Variants in BAZ1A observed in about 807,000 individuals in gnomAD.
The protein encoded by BAZ1A is bromodomain adjacent to zinc finger domain protein 1A.
Under a neutral mutation model 185.2 loss-of-function variants are expected in BAZ1A, and 50 were observed. The observed-to-expected ratio is 0.27, with a 90% CI of 0.22 to 0.34. The LOEUF is 0.34. Among genes scored for constraint, BAZ1A ranks in the 10% least tolerant of loss-of-function variants. The probability of loss-of-function intolerance (pLI) is 1.00; values close to 1 mark genes in which losing one functional copy is unlikely to be tolerated. For missense variants in BAZ1A, 1,356 were observed against 1,839.9 expected (o/e 0.74, Z 4.81); for synonymous variants, 571 against 615.6 (o/e 0.93, Z 1.07).
At chr14:34,838,323 A>G (rs1197107733) in intron 3 of BAZ1A, among the ~76,000 whole-genome samples, 1 of 152,218 alleles carries the variant, frequency 6.6e-6, no homozygotes, top group Non-Finnish European at 1.5e-5. Flanking sequence ...CAGAACCTGA[A>G]TAAGGTTTTT....
chr14:34,811,146 AT>A (rs992713754), intron 4 of BAZ1A, 110 bp from the exon 5 acceptor site: 342 of 794,636 alleles, frequency 4.3e-4, no homozygotes, highest in Non-Finnish European at 5.0e-4. Context: ...ATATTTCAAA[AT>A]TTTTTTTTGT....
intron 4 of BAZ1A, among the ~76,000 whole-genome samples, chr14:34,823,081 T>C (rs1209419): frequency 0.88 from 134,055 of 152,206 alleles, 59,751 homozygotes; most frequent in Non-Finnish European, 0.96. Context: ...GGGCTGGGCA[T>C]GGTGGCTCAC....
At chr14:34,807,583 A>G in intron 5 of BAZ1A, 45 bp from the exon 6 acceptor site, 3 of 1,411,022 alleles carry the variant, frequency 2.1e-6, no homozygotes, top group Non-Finnish European at 3.0e-6. Flanking sequence ...TTAGCATCAA[A>G]GAGTTCAACC....
intron 2 of BAZ1A, among the ~76,000 whole-genome samples, chr14:34,866,943 T>C (rs934687854): frequency 7.0e-6 from 1 of 142,748 alleles, no homozygotes; most frequent in African/African-American, 2.6e-5. Context: ...ATTAAGATAC[T>C]TTACTTACAT....
intron 14 of BAZ1A, among the ~76,000 whole-genome samples, chr14:34,784,753 T>C (rs1440959317): frequency 6.6e-6 from 1 of 151,920 alleles, no homozygotes; most frequent in East Asian, 2.0e-4. Flanking sequence ...CTCCTGACCT[T>C]CTGATCTGCC....
At chr14:34,852,158 G>A (rs1273324256) in intron 3 of BAZ1A, among the ~76,000 whole-genome samples, 1 of 151,630 alleles carries the variant, frequency 6.6e-6, no homozygotes, top group Non-Finnish European at 1.5e-5. Context: ...ATAAAAATGT[G>A]GGATGATCAT....
At chr14:34,789,197 C>G (rs926992895) in intron 12 of BAZ1A, among the ~76,000 whole-genome samples, 1 of 152,096 alleles carries the variant, frequency 6.6e-6, no homozygotes, top group Non-Finnish European at 1.5e-5. Context: ...TAACAACAGT[C>G]CTAGATACAA....
rs1036312876 is a variant in BAZ1A, at chr14:34,824,433, G to C, written c.536+1580C>G. 3.7e-5 allele frequency among the ~76,000 whole-genome samples: 3 copies of C among 81,894 alleles called. 1 individual carries two copies. Among genetic ancestry groups the C allele is most frequent in the Non-Finnish European group, 7.4e-5 (3 of 40,288 alleles). The allele number at this position is 81,894 out of a possible 152,430, so 53.7% of individuals were successfully genotyped here. A position where few individuals can be genotyped will look rare whatever the true frequency, so the allele number is the denominator to read the frequency against. On this transcript the variant is annotated intron_variant, in intron 4 of 26. Coordinates refer to ENST00000360310, the MANE Select transcript of BAZ1A (RefSeq NM_013448.3). ...CAAAAAAAAAAAAAAAAAAAGAAGA[G>C]ATGTATCAAAAGACTTATACAGGAC...
chr14:34,759,171 G>GTTT lies in BAZ1A; in HGVS notation c.4244-328_4244-326dup, dbSNP rs780287749. Among the ~76,000 whole-genome samples, 24 of 66,464 alleles carry GTTT rather than the reference G, an allele frequency of 3.6e-4. 3 individuals are homozygous for GTTT. Among genetic ancestry groups the GTTT allele is most frequent in the Admixed American group, 8.9e-4 (4 of 4,514 alleles). 43.6% of individuals were successfully genotyped at this position (66,464 alleles called of 152,430 possible). ...TTATTAAAAATACTTTACAGCTACAGTTTTTTTTTTTTTTTTTTTTTTTTT... is the reference window on the plus strand; with the variant it reads ...TTATTAAAAATACTTTACAGCTACAGTTTTTTTTTTTTTTTTTTTTTTTTTTTT... On this transcript the variant is annotated intron_variant, in intron 24 of 26. Transcript: ENST00000360310.
At chr14:34,827,919 C>T (rs963257343) in intron 3 of BAZ1A, among the ~76,000 whole-genome samples, 1 of 151,974 alleles carries the variant, frequency 6.6e-6, no homozygotes, top group Non-Finnish European at 1.5e-5. Flanking sequence ...CTCTATCACC[C>T]CTATTCTGGC....
chr14:34,797,712 C>T (rs190038571), intron 9 of BAZ1A, among the ~76,000 whole-genome samples: 5 of 152,272 alleles, frequency 3.3e-5, no homozygotes, highest in African/African-American at 9.6e-5. Context: ...CCAAGACGGC[C>T]GGTCCAGTCT....
intron 4 of BAZ1A, among the ~76,000 whole-genome samples, chr14:34,811,401 A>T (rs1166775528): frequency 6.6e-6 from 1 of 152,184 alleles, no homozygotes; most frequent in Non-Finnish European, 1.5e-5. Context: ...TTGGCCTCCC[A>T]AAGTGCAGGG....
In BAZ1A at chr14:34,754,880, A is replaced by G; in HGVS notation, c.4421T>C (p.Ile1474Thr). 6.2e-7 allele frequency: 1 copy of G among 1,605,292 alleles called. No individual in the cohort carries two copies. The highest frequency in any genetic ancestry group is 8.5e-7 in the Non-Finnish European group (1 of 1,175,684). ...TTTTTCACGAATTATATTTAAGGCA[A>G]TGGGCTTTTTGATGATGTCATAGTA... is the stretch of plus-strand genomic sequence containing the variant. ...PDYYDIIKKP[I>T]ALNIIREKVN... The change falls in exon 26 of 27, where the codon ATT (isoleucine) becomes ACT (threonine). Residue 1474 changes from isoleucine (I) to threonine (T), a missense_variant. By Grantham distance (89) the Ile-to-Thr change is moderately conservative. Transcript: ENST00000360310.
chr14:34,810,241 A>G (rs1276638435), intron 5 of BAZ1A, among the ~76,000 whole-genome samples: 1 of 152,220 alleles, frequency 6.6e-6, no homozygotes, highest in East Asian at 1.9e-4. Flanking sequence ...TTGCTTTCAG[A>G]TGACTAAGAG....
chr14:34,791,201 T>C (rs1880826591), intron 12 of BAZ1A, among the ~76,000 whole-genome samples: 1 of 152,002 alleles, frequency 6.6e-6, no homozygotes, highest in Non-Finnish European at 1.5e-5. Flanking sequence ...CATTGCTTAA[T>C]ATATATTTTT....
intron 4 of BAZ1A, among the ~76,000 whole-genome samples, chr14:34,811,425 G>T (rs987417167): frequency 3.9e-5 from 6 of 152,202 alleles, no homozygotes; most frequent in Middle Eastern, 3.4e-3. Flanking sequence ...ACAGGCATGA[G>T]ACACTGTGCT....
At chr14:34,817,575 AGTCT>A (rs2042025459) in intron 4 of BAZ1A, among the ~76,000 whole-genome samples, 1 of 152,180 alleles carries the variant, frequency 6.6e-6, no homozygotes, top group African/African-American at 2.4e-5. Flanking sequence ...CAACAGAGCC[AGTCT>A]GTCTCAAAAC....
intron 3 of BAZ1A, among the ~76,000 whole-genome samples, chr14:34,841,365 CAT>C (rs1491237239): frequency 6.6e-6 from 1 of 152,198 alleles, no homozygotes; most frequent in Non-Finnish European, 1.5e-5. Flanking sequence ...ATATTAGTAA[CAT>C]AATCACTAGC....
chr14:34,772,276 A>C (rs957202002), intron 20 of BAZ1A, among the ~76,000 whole-genome samples: 4 of 152,040 alleles, frequency 2.6e-5, no homozygotes, highest in African/African-American at 9.7e-5. Flanking sequence ...TTTAAAGTGC[A>C]AACTCATTCA....
Sources: gnomAD v4.1 joint callset for allele counts (sites outside exome capture counted in the v4.1 genomes callset) on GRCh38, gnomAD v4.1.1 for gene constraint, MANE v1.5 for transcripts, NCBI Gene and HGNC (gene_info 2026-07-23, HGNC 2026-07-21) for gene names.